Variants in MRPS9 observed in about 807,000 individuals in gnomAD.
MRPS9 encodes the protein small ribosomal subunit protein uS9m.
In MRPS9, 45 loss-of-function variants were observed where a neutral mutation model predicts 59.9. That is an observed-to-expected ratio of 0.75 (90% CI 0.59 to 0.96). The LOEUF (loss-of-function observed/expected upper bound fraction) is 0.96. Among genes scored for constraint, MRPS9 ranks in the 40% least tolerant of loss-of-function variants. The probability of loss-of-function intolerance (pLI) is 0.00; values close to 1 mark genes in which losing one functional copy is unlikely to be tolerated. For synonymous variants in MRPS9, 171 were observed against 166.8 expected (o/e 1.03, Z -0.19); for missense variants, 473 against 481.1 (o/e 0.98, Z 0.16).
chr2:105,096,606 A>G (rs1000510674), intron 9 of MRPS9, among the ~76,000 whole-genome samples: 5 of 152,196 alleles, frequency 3.3e-5, no homozygotes, highest in Non-Finnish European at 4.4e-5. Context: ...GAGAACTTTA[A>G]GAATATTGGG....
chr2:105,065,744 CA>C (rs1454703118), intron 2 of MRPS9, among the ~76,000 whole-genome samples: 1 of 152,176 alleles, frequency 6.6e-6, no homozygotes, highest in Non-Finnish European at 1.5e-5. Flanking sequence ...ATGGTCTGCC[CA>C]AAACATATCT....
chr2:105,072,590 A>G (rs1680134165), intron 4 of MRPS9, among the ~76,000 whole-genome samples: 1 of 152,220 alleles, frequency 6.6e-6, no homozygotes, highest in African/African-American at 2.4e-5. Flanking sequence ...ATTAGTAAGC[A>G]TGAAACTCAG....
intron 4 of MRPS9, among the ~76,000 whole-genome samples, chr2:105,075,953 C>T (rs143063293): frequency 2.6e-5 from 4 of 151,846 alleles, no homozygotes; most frequent in Non-Finnish European, 4.4e-5. Context: ...TGTGCATACT[C>T]GCCTGTGTTA....
At chr2:105,097,372 A>G (rs773078604) in intron 10 of MRPS9, 48 bp downstream of exon 10, 5 of 1,434,726 alleles carry the variant, frequency 3.5e-6, no homozygotes, top group African/African-American at 2.9e-5. Flanking sequence ...CTGGCTATAC[A>G]TGTTCATCTG....
intron 1 of MRPS9, among the ~76,000 whole-genome samples, chr2:105,040,981 T>C (rs1390831189): frequency 2.0e-5 from 3 of 152,220 alleles, no homozygotes; most frequent in Non-Finnish European, 4.4e-5. Flanking sequence ...AGAGATGTAC[T>C]GAGTAATAGT....
At chr2:105,038,546 C>T in intron 1 of MRPS9, 1 of 301,888 alleles carries the variant, frequency 3.3e-6, no homozygotes, top group Non-Finnish European at 6.3e-6. Context: ...CAGTCCTACC[C>T]TGCCCTGCTG....
At chr2:105,072,930 G>A (rs181079961) in intron 4 of MRPS9, among the ~76,000 whole-genome samples, 1 of 152,160 alleles carries the variant, frequency 6.6e-6, no homozygotes, top group East Asian at 1.9e-4. Context: ...TTATACCATC[G>A]ATTTAATAAT....
chr2:105,038,183 T>C lies in MRPS9; in HGVS notation c.91T>C (p.Trp31Arg). 1 of 1,613,428 alleles carries C rather than the reference T, an allele frequency of 6.2e-7. No homozygotes were observed. The highest frequency in any genetic ancestry group is 8.5e-7 in the Non-Finnish European group (1 of 1,179,748). Reference protein sequence around the residue: ...RGSLARKQGLWKTAAPELQTN... With the variant: ...RGSLARKQGLRKTAAPELQTN... ...TAGCCTCGCCCGGAAGCAAGGCCTC[T>C]GGAAAACCGCGGCCCCTGAGTTGCA... is the stretch of plus-strand genomic sequence containing the variant. Residue 31 changes from tryptophan to arginine, a missense_variant, in exon 1 of 11, where the codon TGG becomes CGG. Transcript: ENST00000258455.
At chr2:105,039,674 A>G (rs541730205) in intron 1 of MRPS9, among the ~76,000 whole-genome samples, 20 of 152,316 alleles carry the variant, frequency 1.3e-4, no homozygotes, top group African/African-American at 4.8e-4. Flanking sequence ...ATGTTTTTAA[A>G]AGCATTTTTA....
intron 2 of MRPS9, among the ~76,000 whole-genome samples, chr2:105,064,719 G>A (rs946267974): frequency 6.6e-6 from 1 of 152,200 alleles, no homozygotes. Flanking sequence ...AGTGGAATAG[G>A]GAGGACTTCC....
chr2:105,069,867 C>A (rs1680080503), intron 2 of MRPS9, among the ~76,000 whole-genome samples: 1 of 151,508 alleles, frequency 6.6e-6, no homozygotes, highest in African/African-American at 2.4e-5. Flanking sequence ...AAAAAAATTA[C>A]CTGGGTGTGA....
intron 2 of MRPS9, among the ~76,000 whole-genome samples, chr2:105,053,623 G>A (rs1679749022): frequency 6.6e-6 from 1 of 152,138 alleles, no homozygotes; most frequent in African/African-American, 2.4e-5. Flanking sequence ...GGATCCTGTA[G>A]CTTAGTGAAT....
chr2:105,077,012 G>A lies in MRPS9; in HGVS notation c.410-2971G>A, dbSNP rs1227957163. Among the ~76,000 whole-genome samples, 11 of 152,154 alleles carry A rather than the reference G, an allele frequency of 7.2e-5. No individual in the cohort carries two copies. The East Asian group carries it at 1.7e-3, about 24-fold the overall frequency. ...CCCTGTAATCCCAGCACTTTGGGAG[G>A]CCGAGGCAGGTGGATCACAAGGTCA... On this transcript the variant is annotated intron_variant, in intron 4 of 10. Coordinates refer to ENST00000258455, the MANE Select transcript of MRPS9 (RefSeq NM_182640.3).
chr2:105,073,881 G>A (rs930445671), intron 4 of MRPS9, among the ~76,000 whole-genome samples: 4 of 152,158 alleles, frequency 2.6e-5, no homozygotes, highest in Non-Finnish European at 5.9e-5. Context: ...TTAACTTAAG[G>A]CTATAACGAA....
intron 2 of MRPS9, among the ~76,000 whole-genome samples, chr2:105,058,238 G>A (rs1175652407): frequency 6.6e-6 from 1 of 152,192 alleles, no homozygotes; most frequent in Non-Finnish European, 1.5e-5. Flanking sequence ...GTAGAGAACA[G>A]TTTAAATAAA....
intron 2 of MRPS9, among the ~76,000 whole-genome samples, chr2:105,061,002 T>C (rs1037208135): frequency 1.4e-5 from 2 of 144,242 alleles, no homozygotes; most frequent in Non-Finnish European, 3.0e-5. Context: ...TCCCAGCTAC[T>C]CAGGACTTGA....
In MRPS9 at chr2:105,099,746, G is replaced by T. The variant is rs371901852; in HGVS notation, c.1176G>T (p.Thr392=). The part of the protein sequence containing the change: ...PGQEGARRKF[T]WKKR ...AAGAGGGAGCCCGCAGAAAGTTTAC[G>T]TGGAAGAAACGCTAAGGGTTTGCTC... is the stretch of plus-strand genomic sequence containing the variant. The change falls in exon 11 of 11, where the codon ACG becomes ACT. Residue 392 remains threonine (T), a synonymous_variant. Coordinates refer to ENST00000258455, the MANE Select transcript of MRPS9 (RefSeq NM_182640.3). 1 of 1,614,184 alleles carries T rather than the reference G, an allele frequency of 6.2e-7. No homozygotes were observed. Among genetic ancestry groups the T allele is most frequent in the Non-Finnish European group, 8.5e-7 (1 of 1,180,034 alleles).
At chr2:105,094,884 T>A (rs1680626441) in intron 9 of MRPS9, among the ~76,000 whole-genome samples, 1 of 152,274 alleles carries the variant, frequency 6.6e-6, no homozygotes, top group African/African-American at 2.4e-5. Flanking sequence ...AATTCTGGCT[T>A]GATCTCATAA....
At chr2:105,088,236 G>C (rs1175943015) in intron 5 of MRPS9, among the ~76,000 whole-genome samples, 1 of 152,090 alleles carries the variant, frequency 6.6e-6, no homozygotes, top group Non-Finnish European at 1.5e-5. Flanking sequence ...AATGTATTGA[G>C]TGTTAGTCTC....
Sources: gnomAD v4.1 joint callset for allele counts (sites outside exome capture counted in the v4.1 genomes callset) on GRCh38, gnomAD v4.1.1 for gene constraint, MANE v1.5 for transcripts, NCBI Gene and HGNC (gene_info 2026-07-23, HGNC 2026-07-21) for gene names.